The following AFG2A variants were observed in gnomAD, a reference collection of about 807,000 sequenced individuals.
The protein encoded by AFG2A is AAA ATPase AFG2A, also known as ATPase family gene 2 protein homolog A.
chr4:122,926,457 A>T, the AFG2A span, among the ~76,000 whole-genome samples: 4 of 152,108 alleles, frequency 2.6e-5, no homozygotes, highest in African/African-American at 4.8e-5. Context: ...TTCGTTTTAT[A>T]CTCAGTGCTG....
chr4:123,172,262 C>G, the AFG2A span, among the ~76,000 whole-genome samples: 1 of 152,158 alleles, frequency 6.6e-6, no homozygotes, highest in Admixed American at 6.5e-5. Context: ...CATCCTAACA[C>G]TTTATAAAAA....
chr4:123,032,414 A>G, the AFG2A span, among the ~76,000 whole-genome samples: 1 of 151,792 alleles, frequency 6.6e-6, no homozygotes, highest in African/African-American at 2.4e-5. Context: ...TTCCTCTGAG[A>G]CAAAGTCTCA....
the AFG2A span, among the ~76,000 whole-genome samples, chr4:123,061,184 A>G: frequency 5.3e-5 from 8 of 152,116 alleles, no homozygotes; most frequent in Non-Finnish European, 7.4e-5. Flanking sequence ...GGAAGTTCCA[A>G]ACTTTCCCAC....
the AFG2A span, among the ~76,000 whole-genome samples, chr4:123,214,398 C>T: frequency 7.2e-5 from 11 of 151,966 alleles, no homozygotes; most frequent in African/African-American, 2.7e-4. Context: ...TGACAGATCT[C>T]ATATCAGAGT....
chr4:123,019,005 T>C, the AFG2A span, among the ~76,000 whole-genome samples: 2 of 152,104 alleles, frequency 1.3e-5, no homozygotes, highest in Admixed American at 6.5e-5. Context: ...ATGAAGATAA[T>C]TTAATGGCTT....
At chr4:123,159,053 C>T in the AFG2A span, among the ~76,000 whole-genome samples, 4 of 152,252 alleles carry the variant, frequency 2.6e-5, no homozygotes, top group African/African-American at 9.6e-5. Context: ...TATTTGACTC[C>T]TAGTCCAGTG....
chr4:123,212,558 G>C, the AFG2A span, among the ~76,000 whole-genome samples: 1 of 152,080 alleles, frequency 6.6e-6, no homozygotes, highest in African/African-American at 2.4e-5. Flanking sequence ...ATCTTAGCTA[G>C]AAAATGATCA....
At chr4:123,202,635 G>A in the AFG2A span, among the ~76,000 whole-genome samples, 1 of 152,084 alleles carries the variant, frequency 6.6e-6, no homozygotes, top group African/African-American at 2.4e-5. Context: ...AGCTTATTCA[G>A]TTCTTATCAG....
chr4:123,124,076 G>A, the AFG2A span, among the ~76,000 whole-genome samples: 2 of 151,970 alleles, frequency 1.3e-5, no homozygotes, highest in Non-Finnish European at 2.9e-5. Flanking sequence ...GGAAGACAGT[G>A]TGGCAATTCC....
the AFG2A span, among the ~76,000 whole-genome samples, chr4:122,983,668 T>C: frequency 6.6e-6 from 1 of 152,232 alleles, no homozygotes; most frequent in Non-Finnish European, 1.5e-5. Context: ...ACAGAAAAGA[T>C]ACGTGATATG....
the AFG2A span, among the ~76,000 whole-genome samples, chr4:123,115,438 C>G: frequency 1.2e-4 from 19 of 152,018 alleles, no homozygotes; most frequent in Non-Finnish European, 2.8e-4. Context: ...GTCTGGGAAG[C>G]GGGCGCCACT....
At chr4:123,039,745 G>A in the AFG2A span, among the ~76,000 whole-genome samples, 1 of 151,808 alleles carries the variant, frequency 6.6e-6, no homozygotes, top group South Asian at 2.1e-4. Flanking sequence ...AAATGATTGT[G>A]CAAGGTGAAA....
chr4:123,301,716 T>C, the AFG2A span, among the ~76,000 whole-genome samples: 1 of 152,226 alleles, frequency 6.6e-6, no homozygotes, highest in Non-Finnish European at 1.5e-5. Context: ...TAGCTACAGA[T>C]TGTCAAGTCA....
chr4:122,968,770 A>G, the AFG2A span, among the ~76,000 whole-genome samples: 1 of 151,570 alleles, frequency 6.6e-6, no homozygotes, highest in African/African-American at 2.4e-5. Context: ...TTACCAATTT[A>G]CCTTTCTACC....
chr4:123,106,135 T>C, the AFG2A span, among the ~76,000 whole-genome samples: 2 of 152,174 alleles, frequency 1.3e-5, no homozygotes, highest in South Asian at 4.1e-4. Context: ...TTAGCTGTCA[T>C]CAACATCAAG....
chr4:122,959,718 T>C, the AFG2A span, among the ~76,000 whole-genome samples: 1 of 152,236 alleles, frequency 6.6e-6, no homozygotes. Context: ...CTCTGTAGTG[T>C]TTGTGTAGAT....
At chr4:123,269,727 A>G in the AFG2A span, among the ~76,000 whole-genome samples, 6 of 151,756 alleles carry the variant, frequency 4.0e-5, no homozygotes, top group African/African-American at 1.5e-4. Flanking sequence ...CTGCATTTCA[A>G]CTGCTCCTTG....
the AFG2A span, among the ~76,000 whole-genome samples, chr4:122,999,503 A>G: frequency 6.6e-6 from 1 of 152,174 alleles, no homozygotes; most frequent in East Asian, 1.9e-4. Context: ...TAAGGAAGGG[A>G]TCCAGTTTCA....
At chr4:123,055,800 C>T in the AFG2A span, among the ~76,000 whole-genome samples, 321 of 152,180 alleles carry the variant, frequency 2.1e-3, 1 homozygote, top group Non-Finnish European at 3.6e-3. Flanking sequence ...GCCAGATGCT[C>T]GGAGAAACAT....
Sources: allele counts gnomAD v4.1 joint callset (sites outside exome capture counted in the v4.1 genomes callset), GRCh38; gene constraint gnomAD v4.1.1; transcripts MANE v1.5; gene names NCBI Gene and HGNC (gene_info 2026-07-23, HGNC 2026-07-21).